Variants in RALGAPA1 observed in about 807,000 individuals in gnomAD.
RALGAPA1 encodes Ral GTPase activating protein catalytic subunit alpha 1.
In RALGAPA1, 52 loss-of-function variants were observed where a neutral mutation model predicts 269.6. That is an observed-to-expected ratio of 0.19 (90% CI 0.15 to 0.24). The LOEUF is 0.24. Ranked by LOEUF, RALGAPA1 falls within the 10% of genes least tolerant of loss-of-function variation. The probability of loss-of-function intolerance (pLI) is 1.00; values close to 1 mark genes in which losing one functional copy is unlikely to be tolerated. For missense variants in RALGAPA1, 1,917 were observed against 3,013.9 expected (o/e 0.64, Z 8.52); for synonymous variants, 817 against 1,008.3 (o/e 0.81, Z 3.60).
chr14:35,656,878 T>TA (rs1318534064), intron 28 of RALGAPA1, among the ~76,000 whole-genome samples: 2 of 152,186 alleles, frequency 1.3e-5, no homozygotes, highest in Non-Finnish European at 2.9e-5. Flanking sequence ...TTTGTAGCAC[T>TA]AAATAACCAA....
Position 35,762,749 on chromosome 14 carries a change from C to A in RALGAPA1, c.330G>T (p.Leu110Phe). The A allele has an allele frequency of 6.8e-7, 1 of 1,480,868 alleles. No homozygotes were observed. The highest frequency in any genetic ancestry group is 1.1e-5 in the South Asian group (1 of 88,128). 91.7% of individuals were successfully genotyped at this position (1,480,868 alleles called of 1,614,324 possible). ...CTGTGTGAAGTAGCTTCTTTAAAAT[C>A]AATCCTGAAAAGAAAATATGATTTT... ...HQRWQFHSIG[L>F]ILKKLLHTGN... The change falls in exon 5 of 42, where the codon TTG becomes TTT. Residue 110 changes from leucine (L) to phenylalanine (F), a missense_variant. This residue lies in a region of RALGAPA1 where 462 missense variants were observed against 725.6 expected (regional missense o/e 0.64). Coordinates refer to ENST00000680220, the MANE Select transcript of RALGAPA1 (RefSeq NM_001346249.2).
At chr14:35,748,099 T>C (rs938801653) in intron 10 of RALGAPA1, among the ~76,000 whole-genome samples, 3 of 151,936 alleles carry the variant, frequency 2.0e-5, no homozygotes, top group Non-Finnish European at 4.4e-5. Context: ...AGAGTTTCAA[T>C]CTATAATGAG....
intron 13 of RALGAPA1, among the ~76,000 whole-genome samples, chr14:35,726,011 C>G (rs1266379749): frequency 6.6e-6 from 1 of 152,122 alleles, no homozygotes; most frequent in Non-Finnish European, 1.5e-5. Context: ...CTTGATTCAA[C>G]CACATATGAA....
intron 35 of RALGAPA1, among the ~76,000 whole-genome samples, chr14:35,621,646 T>A (rs572010771): frequency 1.9e-4 from 29 of 151,946 alleles, no homozygotes; most frequent in African/African-American, 6.5e-4. Flanking sequence ...GAATCTACAA[T>A]GAACTCAAAC....
rs578172170 is a variant in RALGAPA1 at position 35,774,180 on chromosome 14, A to C, written c.267+826T>G. On this transcript the variant is annotated intron_variant, in intron 3 of 41. Coordinates refer to ENST00000680220, the MANE Select transcript of RALGAPA1 (RefSeq NM_001346249.2). ...ATGAACCTCCCACCTCAGCCTCCGAAAGTGCAGGGATTACTTTGAACCACC... is the reference window on the plus strand; with the variant it reads ...ATGAACCTCCCACCTCAGCCTCCGACAGTGCAGGGATTACTTTGAACCACC... Among the ~76,000 whole-genome samples, 14 of 152,220 alleles carry C rather than the reference A, an allele frequency of 9.2e-5. 1 individual carries two copies. In the South Asian group the frequency reaches 2.9e-3, roughly 32 times the overall value.
At chr14:35,807,585 T>C (rs183686900) in intron 1 of RALGAPA1, among the ~76,000 whole-genome samples, 2 of 152,348 alleles carry the variant, frequency 1.3e-5, no homozygotes, top group Admixed American at 1.3e-4. Flanking sequence ...CTTCAGCTTT[T>C]TTGTTGGTAA....
intron 16 of RALGAPA1, among the ~76,000 whole-genome samples, chr14:35,706,129 G>T (rs1458015575): frequency 6.6e-6 from 1 of 152,180 alleles, no homozygotes; most frequent in Non-Finnish European, 1.5e-5. Flanking sequence ...CAAAGCAGAA[G>T]TTTTAAATTT....
chr14:35,765,876 T>C, intron 4 of RALGAPA1: 1 of 829,498 alleles, frequency 1.2e-6, no homozygotes, highest in Non-Finnish European at 2.0e-6. Context: ...ATTAGGGAGC[T>C]CTACTAATGG....
rs539457477 is a variant in RALGAPA1 at position 35,780,349 on chromosome 14, T to A, written c.107-4604A>T. On this transcript the variant is annotated intron_variant, in intron 1 of 41. Coordinates refer to ENST00000680220, the MANE Select transcript of RALGAPA1 (RefSeq NM_001346249.2). ...TAGACAGAAGGGAAAATAGAAGACC[T>A]AAACAATACTATAATGCAGCCAGAT... Among the ~76,000 whole-genome samples the A allele has an allele frequency of 2.0e-5, 3 of 152,266 alleles. No homozygotes were observed. In the South Asian group the frequency reaches 6.2e-4, roughly 32 times the overall value.
chr14:35,757,130 T>C (rs1297916932), intron 6 of RALGAPA1, among the ~76,000 whole-genome samples: 3 of 149,500 alleles, frequency 2.0e-5, no homozygotes, highest in Non-Finnish European at 4.5e-5. Context: ...TTTTTTTTTT[T>C]TTTTTGAGAC....
In RALGAPA1 at chr14:35,752,029, A is replaced by G; in HGVS notation, c.797T>C (p.Ile266Thr). 1 of 1,579,506 alleles carries G rather than the reference A, an allele frequency of 6.3e-7. No individual in the cohort carries two copies. Among genetic ancestry groups the G allele is most frequent in the Non-Finnish European group, 8.6e-7 (1 of 1,167,902 alleles). ...ICKENSLYHP[I>T]LDIPQMRPKP... The stretch of plus-strand genomic sequence containing the variant: ...AAATTTCAAACATTACCTACCAAGT[A>G]TAGGATGATATAAACTGTTTTCCTT... Residue 266 changes from isoleucine to threonine, a missense_variant, in exon 8 of 42, where the codon ATA becomes ACA. Physicochemically the swap from Ile to Thr is moderately conservative, Grantham distance 89. Coordinates refer to ENST00000680220, the MANE Select transcript of RALGAPA1 (RefSeq NM_001346249.2).
intron 39 of RALGAPA1, among the ~76,000 whole-genome samples, chr14:35,566,144 T>C (rs758773532): frequency 2.6e-5 from 4 of 151,948 alleles, no homozygotes; most frequent in Non-Finnish European, 5.9e-5. Context: ...AAAAAAAAAG[T>C]ACCTAGCTGA....
chr14:35,630,380 C>T (rs945427484), intron 33 of RALGAPA1, among the ~76,000 whole-genome samples: 3 of 151,996 alleles, frequency 2.0e-5, no homozygotes, highest in Non-Finnish European at 4.4e-5. Flanking sequence ...CTCTGCCTCC[C>T]GAGTTCAAGC....
At chr14:35,757,137 A>G (rs1174131308) in intron 6 of RALGAPA1, among the ~76,000 whole-genome samples, 1 of 140,340 alleles carries the variant, frequency 7.1e-6, no homozygotes, top group Non-Finnish European at 1.5e-5. Context: ...TTTTTTTTTG[A>G]GACGGAGTCT....
chr14:35,704,833 G>T (rs2140707650), intron 16 of RALGAPA1, among the ~76,000 whole-genome samples: 1 of 152,098 alleles, frequency 6.6e-6, no homozygotes, highest in South Asian at 2.1e-4. Context: ...TCATAAAAGA[G>T]AAATGTAAAT....
intron 7 of RALGAPA1, among the ~76,000 whole-genome samples, chr14:35,756,161 A>G (rs1368803627): frequency 6.6e-6 from 1 of 152,240 alleles, no homozygotes; most frequent in Admixed American, 6.5e-5. Context: ...TTAGAAAATA[A>G]GCACAACTGT....
rs571948695 is a variant in RALGAPA1 at position 35,575,097 on chromosome 14, C to T, written c.7210-2379G>A. On this transcript the variant is annotated intron_variant, in intron 37 of 41. Transcript: ENST00000680220. ...GACCTGAGATCATGCCACTGCACTC[C>T]AGCCTGTGCGACACAGTGAGACTCC... is the stretch of plus-strand genomic sequence containing the variant. Among the ~76,000 whole-genome samples the T allele has an allele frequency of 2.0e-5, 3 of 148,994 alleles. No individual in the cohort carries two copies. In the South Asian group the frequency reaches 6.4e-4, roughly 32 times the overall value.
At chr14:35,650,854 T>C (rs1358488479) in intron 31 of RALGAPA1, among the ~76,000 whole-genome samples, 1 of 152,144 alleles carries the variant, frequency 6.6e-6, no homozygotes, top group African/African-American at 2.4e-5. Context: ...AACAGAACTT[T>C]GTGCCTTGTC....
In RALGAPA1 at chr14:35,775,705, T is replaced by C. The variant is rs1427702606; in HGVS notation, c.147A>G (p.Gln49=). Residue 49 remains glutamine (Q), a synonymous_variant, in exon 2 of 42, where the codon CAA becomes CAG. Transcript: ENST00000680220. ...ESIDLKQFFD[Q]HFSHIYYVFF... ...ACACATAGTATATATGTGAAAAATG[T>C]TGGTCGAAAAACTGTTTAAGATCAA... The C allele has an allele frequency of 3.8e-6, 6 of 1,572,494 alleles. No homozygotes were observed. The highest frequency in any genetic ancestry group is 5.1e-6 in the Non-Finnish European group (6 of 1,165,704).
Sources: gnomAD v4.1 joint callset for allele counts (sites outside exome capture counted in the v4.1 genomes callset) on GRCh38, gnomAD v4.1.1 for gene constraint, gnomAD v4.1.1 regional missense constraint, MANE v1.5 for transcripts, NCBI Gene and HGNC (gene_info 2026-07-23, HGNC 2026-07-21) for gene names.